Variants in RARG observed in about 807,000 individuals in gnomAD.
The protein encoded by RARG is RAR-gamma.
Under a neutral mutation model 43.7 loss-of-function variants are expected in RARG, and 17 were observed. The observed-to-expected ratio is 0.39, with a 90% confidence interval of 0.27 to 0.58. The LOEUF (loss-of-function observed/expected upper bound fraction) is 0.58, where lower values mean the gene tolerates loss of function less well. RARG is among the 20% of genes least tolerant of loss of function. The probability of loss-of-function intolerance (pLI) is 0.57; values close to 1 mark genes in which losing one functional copy is unlikely to be tolerated. For synonymous variants in RARG, 238 were observed against 236.4 expected (o/e 1.01, Z -0.06); for missense variants, 346 against 598.7 (o/e 0.58, Z 4.40).
intron 3 of RARG, among the ~76,000 whole-genome samples, chr12:53,220,597 T>C (rs1942930119): frequency 6.6e-6 from 1 of 152,094 alleles, no homozygotes; most frequent in Non-Finnish European, 1.5e-5. Flanking sequence ...AGCACGCATA[T>C]AAAATCATAG....
In RARG at chr12:53,232,053, G is replaced by C. The variant is rs1278290407; in HGVS notation, c.-289C>G. On this transcript the variant is annotated 5_prime_UTR_variant, in exon 1 of 10. Transcript: ENST00000425354. Reference sequence around the variant, plus strand: ...AGTCTCTTGGATGGAGCGTCGCAATGTCCGGGGCTCGCCGTACTGGGGGGC... The same window carrying C: ...AGTCTCTTGGATGGAGCGTCGCAATCTCCGGGGCTCGCCGTACTGGGGGGC... The C allele has an allele frequency of 2.5e-6, 1 of 398,504 alleles. No homozygotes were observed. 24.7% of individuals were successfully genotyped at this position (398,504 alleles called of 1,614,324 possible). A position where few individuals can be genotyped will look rare whatever the true frequency, so the allele number is the denominator to read the frequency against.
chr12:53,217,114 C>G (rs528119485), intron 3 of RARG, among the ~76,000 whole-genome samples: 1 of 152,046 alleles, frequency 6.6e-6, no homozygotes, highest in African/African-American at 2.4e-5. Flanking sequence ...GCTAGCTCCA[C>G]CCACCCCACA....
At chr12:53,218,681 G>C (rs1243924662) in intron 3 of RARG, among the ~76,000 whole-genome samples, 1 of 150,216 alleles carries the variant, frequency 6.7e-6, no homozygotes, top group East Asian at 2.0e-4. Context: ...GCTCTGCTCT[G>C]GAACCAAAAA....
intron 3 of RARG, chr12:53,220,254 G>C: frequency 6.2e-6 from 3 of 483,912 alleles, no homozygotes; most frequent in Middle Eastern, 7.0e-4. Flanking sequence ...GGTGGGCGGG[G>C]AAGAGGGGGG....
intron 9 of RARG, among the ~76,000 whole-genome samples, chr12:53,212,572 T>C (rs966548649): frequency 3.3e-5 from 5 of 152,106 alleles, no homozygotes; most frequent in African/African-American, 4.8e-5. Flanking sequence ...GCCTCCTGAG[T>C]AGCTGGAACT....
At chr12:53,226,189 C>T (rs571779414) in intron 3 of RARG, among the ~76,000 whole-genome samples, 2 of 152,298 alleles carry the variant, frequency 1.3e-5, no homozygotes, top group South Asian at 2.1e-4. Flanking sequence ...AGTGCAGTGG[C>T]GCGATCTTGG....
At chr12:53,216,948 T>C (rs1159203003) in intron 3 of RARG, among the ~76,000 whole-genome samples, 1 of 151,886 alleles carries the variant, frequency 6.6e-6, no homozygotes, top group Non-Finnish European at 1.5e-5. Flanking sequence ...CCCAAGTTAA[T>C]GCAAAAAAAT....
At chr12:53,216,860 G>T (rs573787397) in intron 3 of RARG, among the ~76,000 whole-genome samples, 2 of 121,712 alleles carry the variant, frequency 1.6e-5, no homozygotes, top group East Asian at 2.0e-4. Flanking sequence ...GCGCGCGCGC[G>T]CGTGTGGTTG....
chr12:53,214,882 G>A (rs1252183837), intron 5 of RARG: 2 of 442,554 alleles, frequency 4.5e-6, no homozygotes, highest in Non-Finnish European at 8.1e-6. Context: ...GGGAGGGGGG[G>A]CAGGATATGC....
Position 53,213,836 on chromosome 12 carries a change from T to A in RARG, c.814-136A>T. On this transcript the variant is annotated intron_variant, in intron 7 of 9. Transcript: ENST00000425354. This position sits in a 1 kb window ranked among gnomAD's most constrained non-coding sequence, Gnocchi z 4.7. ...GCATGGAGAAGGCAGAGGTGGAGGA[T>A]CTGAGGCTTGGCAGGGGTAGTCCCG... 1 of 1,143,904 alleles carries A rather than the reference T, an allele frequency of 8.7e-7. No homozygotes were observed. The highest frequency in any genetic ancestry group is 2.2e-5 in the Admixed American group (1 of 44,574). 70.9% of individuals were successfully genotyped at this position (1,143,904 alleles called of 1,614,324 possible). A position where few individuals can be genotyped will look rare whatever the true frequency, so the allele number is the denominator to read the frequency against.
chr12:53,222,329 T>G (rs1470248115), intron 3 of RARG, among the ~76,000 whole-genome samples: 1 of 152,010 alleles, frequency 6.6e-6, no homozygotes, highest in Non-Finnish European at 1.5e-5. Flanking sequence ...GAAAGAACTT[T>G]CTGAATCAGA....
chr12:53,230,629 C>T (rs1232965275), intron 2 of RARG, among the ~76,000 whole-genome samples: 1 of 152,068 alleles, frequency 6.6e-6, no homozygotes. Flanking sequence ...CCTCCCTCCA[C>T]CCTACTAGCC....
chr12:53,225,533 C>G (rs1010869980), intron 3 of RARG, among the ~76,000 whole-genome samples: 1 of 152,232 alleles, frequency 6.6e-6, no homozygotes, highest in African/African-American at 2.4e-5. Context: ...TCTGCGTGCC[C>G]CCTCCTGGAA....
intron 3 of RARG, chr12:53,220,325 C>T (rs1942920538): frequency 3.6e-6 from 5 of 1,393,822 alleles, no homozygotes; most frequent in African/African-American, 1.5e-5. Context: ...CTTTAGCCTC[C>T]GTCCAGCTCT....
intron 2 of RARG, among the ~76,000 whole-genome samples, chr12:53,228,182 C>T (rs1322747087): frequency 1.3e-5 from 2 of 152,158 alleles, no homozygotes; most frequent in Non-Finnish European, 2.9e-5. Flanking sequence ...CCCTACAGCT[C>T]TCTGGAGAGG....
At position 53,232,169 on chromosome 12, in the gene RARG, T is replaced by C. The variant is rs1258195183; in HGVS notation, c.-405A>G. On this transcript the variant is annotated 5_prime_UTR_variant, in exon 1 of 10. Transcript: ENST00000425354. Reference sequence around the variant, plus strand: ...GACCGCCCCAAAATATCCGACACATTTTCTCCCAAACCGCACACTGACTCT... The same window carrying C: ...GACCGCCCCAAAATATCCGACACATCTTCTCCCAAACCGCACACTGACTCT... The C allele has an allele frequency of 1.8e-5, 7 of 398,336 alleles. No individual in the cohort carries two copies. Among genetic ancestry groups the C allele is most frequent in the Admixed American group, 8.8e-5 (2 of 22,708 alleles). 24.7% of individuals were successfully genotyped at this position (398,336 alleles called of 1,614,324 possible).
rs573924761 is a variant in RARG at position 53,224,723 on chromosome 12, T to G, written c.184+2639A>C. On this transcript the variant is annotated intron_variant, in intron 3 of 9. Coordinates refer to ENST00000425354, the MANE Select transcript of RARG (RefSeq NM_000966.6). The stretch of plus-strand genomic sequence containing the variant: ...CACCCCCAAGCCTTCCCCTCCTCCC[T>G]CCTCCTGCCACTTCCCTGCCCAGGC... Among the ~76,000 whole-genome samples, 40 of 87,216 alleles carry G rather than the reference T, an allele frequency of 4.6e-4. No individual in the cohort carries two copies. The South Asian group carries it at 0.014, about 30-fold the overall frequency. The allele number at this position is 87,216 out of a possible 152,430, so 57.2% of individuals were successfully genotyped here.
chr12:53,221,855 C>T (rs905775024), intron 3 of RARG, among the ~76,000 whole-genome samples: 7 of 151,816 alleles, frequency 4.6e-5, no homozygotes, highest in South Asian at 2.1e-4. Flanking sequence ...GGCCCTTCCC[C>T]CGCCAGGCGG....
chr12:53,213,215 T>C lies in RARG; in HGVS notation c.1047A>G (p.Lys349=), dbSNP rs1457337115. The C allele has an allele frequency of 1.9e-6, 3 of 1,600,884 alleles. No homozygotes were observed. The highest frequency in any genetic ancestry group is 2.7e-5 in the African/African-American group (2 of 74,624). Residue 349 remains lysine (K), a synonymous_variant, in exon 9 of 10, where the codon AAA becomes AAG. Coordinates refer to ENST00000425354, the MANE Select transcript of RARG (RefSeq NM_000966.6). This position sits in a 1 kb window ranked among gnomAD's most constrained non-coding sequence, Gnocchi z 4.7. ...GDRMDLEEPE[K]VDKLQEPLLE... ...GCAGTGGCTCCTGCAGCTTGTCCAC[T>C]TTTTCGGGCTCCTCCAGGTCCATGC...
Sources: allele counts gnomAD v4.1 joint callset (sites outside exome capture counted in the v4.1 genomes callset), GRCh38; gene constraint gnomAD v4.1.1; non-coding constraint Gnocchi (gnomAD v3.1); transcripts MANE v1.5; gene names NCBI Gene and HGNC (gene_info 2026-07-23, HGNC 2026-07-21).